Variants in ARID4A observed in about 807,000 individuals in gnomAD.
ARID4A encodes AT-rich interaction domain 4A.
Under a neutral mutation model 148.6 loss-of-function variants are expected in ARID4A, and 39 were observed. The ratio of observed to expected loss-of-function variants is 0.26; its 90% CI spans 0.20 to 0.34. The LOEUF (loss-of-function observed/expected upper bound fraction) is 0.34. ARID4A is among the 10% of genes least tolerant of loss of function. The pLI, the probability that ARID4A is intolerant of heterozygous loss-of-function variation, is 1.00. For missense variants in ARID4A, 1,265 were observed against 1,449.1 expected (o/e 0.87, Z 2.06); for synonymous variants, 475 against 481.2 (o/e 0.99, Z 0.17).
chr14:58,351,027 C>G (rs778327397), intron 15 of ARID4A, 46 bp from the exon 16 acceptor site: 1 of 1,510,134 alleles, frequency 6.6e-7, no homozygotes, highest in African/African-American at 1.4e-5. Flanking sequence ...TGCTTTTTTC[C>G]CCTTTATAGT....
At chr14:58,309,161 G>GCA (rs2031828459) in intron 5 of ARID4A, among the ~76,000 whole-genome samples, 1 of 152,090 alleles carries the variant, frequency 6.6e-6, no homozygotes, top group Admixed American at 6.6e-5. Flanking sequence ...TGTTGCCCAG[G>GCA]CTTTTGTTCA....
intron 9 of ARID4A, among the ~76,000 whole-genome samples, chr14:58,328,934 A>G (rs1218799909): frequency 2.6e-5 from 4 of 151,816 alleles, no homozygotes; most frequent in Non-Finnish European, 5.9e-5. Flanking sequence ...CAGAGGCTGC[A>G]GTGAGCCGAG....
chr14:58,324,126 G>A (rs1336373713), intron 8 of ARID4A, among the ~76,000 whole-genome samples: 4 of 151,772 alleles, frequency 2.6e-5, no homozygotes, highest in East Asian at 1.9e-4. Context: ...GGATGGTCTC[G>A]ATCTCCTGAC....
Position 58,364,931 on chromosome 14 carries a change from G to C in ARID4A, c.2842G>C (p.Ala948Pro). 6.2e-7 allele frequency: 1 copy of C among 1,614,130 alleles called. No individual in the cohort carries two copies. The highest frequency in any genetic ancestry group is 8.5e-7 in the Non-Finnish European group (1 of 1,180,004). Reference sequence around the variant, plus strand: ...TATTCCACTAAAAGAAGATGAGGATGCAATGCCTCTGATCGGGCCTGAAAC... The same window carrying C: ...TATTCCACTAAAAGAAGATGAGGATCCAATGCCTCTGATCGGGCCTGAAAC... ...VNIPLKEDEDAMPLIGPETLV... is the reference protein window; with the variant it reads ...VNIPLKEDEDPMPLIGPETLV... Residue 948 changes from alanine to proline, a missense_variant, in exon 20 of 24, where the codon GCA (alanine) becomes CCA (proline). Ala to Pro is a conservative substitution (Grantham distance 27). Around this residue, in one of 9 missense-constraint regions of ARID4A, gnomAD observed 666 missense variants for 730.9 expected, o/e 0.91. Coordinates refer to ENST00000355431, the MANE Select transcript of ARID4A (RefSeq NM_002892.4).
chr14:58,348,357 C>G (rs1190981), intron 15 of ARID4A, among the ~76,000 whole-genome samples: 99,944 of 152,086 alleles, frequency 0.66, 33,199 homozygotes, highest in Middle Eastern at 0.74. Context: ...ACAGATGCCA[C>G]GCATTTAGAA....
intron 16 of ARID4A, chr14:58,353,440 G>C (rs1216968518): frequency 1.4e-5 from 6 of 414,300 alleles, no homozygotes; most frequent in African/African-American, 1.2e-4. Flanking sequence ...CTTTTAAAAA[G>C]TATGGATTTA....
intron 12 of ARID4A, 106 bp downstream of exon 12, chr14:58,344,873 T>C (rs1425224643): frequency 1.8e-5 from 13 of 708,102 alleles, no homozygotes; most frequent in Admixed American, 3.2e-5. Context: ...TTTTGGATTT[T>C]ATTTATTTAT....
intron 13 of ARID4A, 106 bp downstream of exon 13, chr14:58,346,611 A>G (rs1313213020): frequency 5.5e-6 from 4 of 722,884 alleles, no homozygotes; most frequent in Admixed American, 5.8e-5. Flanking sequence ...CATTTTCTTA[A>G]TGAACATAGA....
intron 19 of ARID4A, among the ~76,000 whole-genome samples, chr14:58,361,922 A>ATT (rs563579477): frequency 1.4e-3 from 213 of 152,318 alleles, no homozygotes; most frequent in African/African-American, 5.0e-3. Flanking sequence ...ATCTCATATG[A>ATT]TTTAAACTAT....
At chr14:58,367,149 C>T in intron 23 of ARID4A, 120 bp downstream of exon 23, 2 of 787,462 alleles carry the variant, frequency 2.5e-6, no homozygotes, top group Non-Finnish European at 3.6e-6. Flanking sequence ...TTTTTAAATT[C>T]CTAGTGTTTT....
rs79931417 is a variant in ARID4A at position 58,372,231 on chromosome 14, T to C, written c.*242T>C. On this transcript the variant is annotated 3_prime_UTR_variant, in exon 24 of 24. Coordinates refer to ENST00000355431, the MANE Select transcript of ARID4A (RefSeq NM_002892.4). ...TTGTCATAATTTTTCCTCTTTACTT[T>C]TGTTTTTCGTTTGTTGTGATATAGA... 4.8e-4 allele frequency: 198 copies of C among 410,200 alleles called. No homozygotes were observed. The East Asian group carries it at 7.4e-3, about 15-fold the overall frequency. The allele number at this position is 410,200 out of a possible 1,614,324, so 25.4% of individuals were successfully genotyped here. A position where few individuals can be genotyped will look rare whatever the true frequency, so the allele number is the denominator to read the frequency against.
intron 3 of ARID4A, chr14:58,303,590 T>C (rs1566663720): frequency 2.1e-6 from 1 of 470,366 alleles, no homozygotes; most frequent in African/African-American, 2.0e-5. Context: ...GCCCAACACA[T>C]AGAGTAGTGC....
At chr14:58,341,365 A>G (rs2034109606) in intron 11 of ARID4A, among the ~76,000 whole-genome samples, 1 of 152,198 alleles carries the variant, frequency 6.6e-6, no homozygotes, top group Non-Finnish European at 1.5e-5. Context: ...TGTCAGTTTC[A>G]TGCTTACGCT....
At chr14:58,328,948 G>A (rs970925776) in intron 9 of ARID4A, among the ~76,000 whole-genome samples, 13 of 151,046 alleles carry the variant, frequency 8.6e-5, no homozygotes, top group Non-Finnish European at 1.5e-5. Context: ...AGCCGAGATC[G>A]CGCCACTGCA....
chr14:58,348,353 G>A (rs1199214471), intron 15 of ARID4A, among the ~76,000 whole-genome samples: 1 of 152,192 alleles, frequency 6.6e-6, no homozygotes, highest in African/African-American at 2.4e-5. Context: ...ATTGACAGAT[G>A]CCACGCATTT....
At position 58,343,992 on chromosome 14, in the gene ARID4A, A is replaced by G. The variant is rs548274363; in HGVS notation, c.907-703A>G. Among the ~76,000 whole-genome samples the G allele has an allele frequency of 2.0e-5, 3 of 152,298 alleles. No individual in the cohort carries two copies. The East Asian group carries it at 5.8e-4, about 29-fold the overall frequency. On this transcript the variant is annotated intron_variant, in intron 11 of 23. Transcript: ENST00000355431. ...AAAGAAGCTAAATCAGTAATTATGT[A>G]TCTAGTTTCCTTCCCTAAGAATTAC...
rs200915348 is a variant in ARID4A, at chr14:58,309,667, GA to G, written c.274+3559del. Among the ~76,000 whole-genome samples, 1,237 of 152,266 alleles carry G rather than the reference GA, an allele frequency of 8.1e-3. 23 individuals are homozygous for G. Among genetic ancestry groups the G allele is most frequent in the African/African-American group, 0.028 (1,152 of 41,542 alleles). The stretch of plus-strand genomic sequence containing the variant: ...TAAAAACATATACTTGAAAAGTAAG[GA>G]AAAGTTAAAGGATAGAAATTTCAGT... On this transcript the variant is annotated intron_variant, in intron 5 of 23. Transcript: ENST00000355431.
At chr14:58,326,636 T>G (rs533610147) in intron 8 of ARID4A, among the ~76,000 whole-genome samples, 1 of 152,194 alleles carries the variant, frequency 6.6e-6, no homozygotes, top group Non-Finnish European at 1.5e-5. Context: ...AGAGTGTTGT[T>G]ATTTGAGCTA....
At chr14:58,355,549 C>G (rs1040071436) in intron 17 of ARID4A, among the ~76,000 whole-genome samples, 11 of 152,050 alleles carry the variant, frequency 7.2e-5, no homozygotes, top group Non-Finnish European at 1.6e-4. Context: ...ATTTTTGGAC[C>G]ATGGGTAATT....
Sources: allele counts gnomAD v4.1 joint callset (sites outside exome capture counted in the v4.1 genomes callset), GRCh38; gene constraint gnomAD v4.1.1; regional missense constraint gnomAD v4.1.1; transcripts MANE v1.5; gene names NCBI Gene and HGNC (gene_info 2026-07-23, HGNC 2026-07-21).